Variants in SUGCT observed in about 807,000 individuals in gnomAD.
The protein encoded by SUGCT is succinyl-CoA:glutarate-CoA transferase, also known as succinyl-CoA:glutarate CoA-transferase.
Under a neutral mutation model 55.0 loss-of-function variants are expected in SUGCT, and 41 were observed. That is an observed-to-expected ratio of 0.74 (90% CI 0.58 to 0.97). The LOEUF is 0.97. Among genes scored for constraint, SUGCT ranks in the 50% least tolerant of loss-of-function variants. The pLI, the probability that SUGCT is intolerant of heterozygous loss-of-function variation, is 0.00. For synonymous variants in SUGCT, 187 were observed against 200.4 expected, an observed-to-expected ratio of 0.93 and a Z score of 0.56; for missense variants, 568 against 547.8, an observed-to-expected ratio of 1.04 and a Z score of -0.37.
At chr7:40,948,782 A>G in the SUGCT span, among the ~76,000 whole-genome samples, 1 of 151,652 alleles carries the variant, frequency 6.6e-6, no homozygotes, top group Non-Finnish European at 1.5e-5. Context: ...AAGGACATGA[A>G]CTCATTCTTT....
chr7:40,732,687 C>T (rs1290782733), intron 12 of SUGCT, among the ~76,000 whole-genome samples: 1 of 152,196 alleles, frequency 6.6e-6, no homozygotes, highest in East Asian at 1.9e-4. Flanking sequence ...CTCCCTGATA[C>T]TTAAGCAGGG....
At chr7:40,549,101 T>C (rs1369180661) in intron 12 of SUGCT, among the ~76,000 whole-genome samples, 5 of 152,210 alleles carry the variant, frequency 3.3e-5, no homozygotes, top group Non-Finnish European at 7.3e-5. Flanking sequence ...CTTGTGAATG[T>C]ATGGATTACA....
At chr7:40,494,904 TTTTG>T (rs113548802) in intron 11 of SUGCT, among the ~76,000 whole-genome samples, 14 of 146,216 alleles carry the variant, frequency 9.6e-5, no homozygotes, top group Admixed American at 2.1e-4. Context: ...AAATTATTCT[TTTTG>T]TTTGTTTGTT....
At chr7:40,344,294 C>T (rs2151183819) in intron 9 of SUGCT, among the ~76,000 whole-genome samples, 1 of 152,190 alleles carries the variant, frequency 6.6e-6, no homozygotes, top group East Asian at 1.9e-4. Flanking sequence ...CCCATCTTGA[C>T]CTTGCATTGT....
chr7:40,404,800 A>G (rs971171849), intron 9 of SUGCT, among the ~76,000 whole-genome samples: 3 of 152,158 alleles, frequency 2.0e-5, no homozygotes, highest in African/African-American at 4.8e-5. Context: ...TTTTGATAGC[A>G]TAACTTCTCG....
the SUGCT span, among the ~76,000 whole-genome samples, chr7:41,016,569 A>G: frequency 1.3e-5 from 2 of 152,256 alleles, no homozygotes; most frequent in African/African-American, 4.8e-5. Flanking sequence ...TAGTAAAAAG[A>G]AAGAAAACAT....
intron 12 of SUGCT, among the ~76,000 whole-genome samples, chr7:40,572,129 G>C (rs1026583592): frequency 2.2e-4 from 33 of 152,012 alleles, no homozygotes; most frequent in African/African-American, 8.0e-4. Context: ...GCTTAGCTTC[G>C]TTCAGGATGT....
intron 13 of SUGCT, among the ~76,000 whole-genome samples, chr7:40,771,815 AG>A (rs1215359025): frequency 1.3e-5 from 2 of 152,200 alleles, no homozygotes; most frequent in African/African-American, 4.8e-5. Context: ...GTATTACAGT[AG>A]CTATTCACTG....
At chr7:40,459,769 G>A (rs940608235) in intron 11 of SUGCT, among the ~76,000 whole-genome samples, 1 of 152,142 alleles carries the variant, frequency 6.6e-6, no homozygotes, top group African/African-American at 2.4e-5. Context: ...AAATATTAAT[G>A]TTAATTAAGT....
At chr7:40,413,553 A>C (rs1786808521) in intron 9 of SUGCT, among the ~76,000 whole-genome samples, 2 of 152,220 alleles carry the variant, frequency 1.3e-5, no homozygotes, top group South Asian at 4.1e-4. Flanking sequence ...ATGCAATACA[A>C]GGGAAAATTA....
At chr7:40,762,756 T>C (rs1261898269) in intron 13 of SUGCT, among the ~76,000 whole-genome samples, 1 of 151,944 alleles carries the variant, frequency 6.6e-6, no homozygotes, top group Non-Finnish European at 1.5e-5. Flanking sequence ...AAACATGTTT[T>C]CCCCCAAGCT....
chr7:40,717,652 TAAACGCACAGAA>T (rs1176155926), intron 12 of SUGCT, among the ~76,000 whole-genome samples: 1 of 152,216 alleles, frequency 6.6e-6, no homozygotes, highest in Non-Finnish European at 1.5e-5. Context: ...GGGAACAATT[TAAACGCACAGAA>T]ATCAGTGATT....
At chr7:40,500,894 C>A (rs1406498503) in intron 12 of SUGCT, among the ~76,000 whole-genome samples, 1 of 152,042 alleles carries the variant, frequency 6.6e-6, no homozygotes, top group Non-Finnish European at 1.5e-5. Context: ...AACACATACA[C>A]ATACACATAC....
chr7:40,978,191 C>T, the SUGCT span, among the ~76,000 whole-genome samples: 13 of 152,268 alleles, frequency 8.5e-5, no homozygotes, highest in African/African-American at 2.9e-4. Flanking sequence ...TCACTTGCAC[C>T]CCTCTGCTCA....
At chr7:40,236,398 GT>G (rs1236328147) in intron 6 of SUGCT, among the ~76,000 whole-genome samples, 1 of 121,474 alleles carries the variant, frequency 8.2e-6, no homozygotes, top group Non-Finnish European at 1.6e-5. Flanking sequence ...ACTGAGGGGA[GT>G]AGAAGAAAAT....
chr7:40,917,217 A>G, the SUGCT span, among the ~76,000 whole-genome samples: 70 of 152,332 alleles, frequency 4.6e-4, no homozygotes, highest in African/African-American at 1.6e-3. Flanking sequence ...CTTTTTTTGT[A>G]TCTTCGACTC....
intron 12 of SUGCT, among the ~76,000 whole-genome samples, chr7:40,578,571 T>G (rs1796903981): frequency 1.3e-5 from 2 of 151,468 alleles, no homozygotes; most frequent in South Asian, 2.1e-4. Context: ...TCTTCAGTGG[T>G]TCTGTCCTGA....
intron 12 of SUGCT, among the ~76,000 whole-genome samples, chr7:40,633,439 T>G (rs974800704): frequency 1.4e-4 from 22 of 152,198 alleles, no homozygotes; most frequent in African/African-American, 5.1e-4. Context: ...GACTCAGGAT[T>G]TCGAACATAT....
intron 13 of SUGCT, among the ~76,000 whole-genome samples, chr7:40,789,093 T>A (rs1012686556): frequency 3.3e-5 from 5 of 152,320 alleles, no homozygotes; most frequent in Admixed American, 6.5e-5. Context: ...CTTTTCTTTT[T>A]AAAATATTAT....
Sources: allele counts gnomAD v4.1 joint callset (sites outside exome capture counted in the v4.1 genomes callset), GRCh38; gene constraint gnomAD v4.1.1; transcripts MANE v1.5; gene names NCBI Gene and HGNC (gene_info 2026-07-23, HGNC 2026-07-21).